The following RAB3B variants were observed in gnomAD, a reference collection of about 807,000 sequenced individuals.
RAB3B encodes RAB3B, member RAS oncogene family.
RAB3B carries 11 observed loss-of-function variants against 20.5 expected under a neutral mutation model. The ratio of observed to expected loss-of-function variants is 0.54; its 90% CI spans 0.34 to 0.89. The LOEUF (loss-of-function observed/expected upper bound fraction) is 0.89, where lower values mean the gene tolerates loss of function less well. RAB3B is among the 40% of genes least tolerant of loss of function. RAB3B has a pLI of 0.02. For missense variants in RAB3B, 225 were observed against 280.9 expected (o/e 0.80, Z 1.42); for synonymous variants, 99 against 106.3 (o/e 0.93, Z 0.42).
At chr1:51,935,717 T>C (rs931837537) in intron 3 of RAB3B, among the ~76,000 whole-genome samples, 3 of 149,912 alleles carry the variant, frequency 2.0e-5, no homozygotes, top group African/African-American at 4.9e-5. Context: ...TCAGGGGAGA[T>C]GTGATGAGAG....
At chr1:51,988,502 G>A (rs1461743658) in intron 1 of RAB3B, among the ~76,000 whole-genome samples, 1 of 152,220 alleles carries the variant, frequency 6.6e-6, no homozygotes, top group Non-Finnish European at 1.5e-5. Flanking sequence ...AGCCATGGGT[G>A]TGTCCACTGA....
At chr1:51,971,903 A>G (rs995563696) in intron 2 of RAB3B, among the ~76,000 whole-genome samples, 1 of 152,316 alleles carries the variant, frequency 6.6e-6, no homozygotes, top group Admixed American at 6.5e-5. Context: ...AATTTAGGCC[A>G]GGCACGGTGG....
At chr1:51,988,666 T>C (rs369160701) in intron 1 of RAB3B, among the ~76,000 whole-genome samples, 26 of 152,302 alleles carry the variant, frequency 1.7e-4, no homozygotes, top group African/African-American at 5.5e-4. Context: ...GCACCAATTA[T>C]TCATTCAATC....
rs143056863 is a variant in RAB3B, at chr1:51,986,371, C to T, written c.-1+4181G>A. Among the ~76,000 whole-genome samples, 1,549 of 151,944 alleles carry T rather than the reference C, an allele frequency of 0.01. 76 individuals are homozygous for T. In the East Asian group the frequency reaches 0.13, roughly 13 times the overall value. ...TTCACCGTGTTAGCCAGGATGGTCT[C>T]GGTCTCCTGACCTTGTGATCCGCCT... On this transcript the variant is annotated intron_variant, in intron 1 of 4. Transcript: ENST00000371655.
intron 2 of RAB3B, among the ~76,000 whole-genome samples, chr1:51,942,751 G>A (rs1421684423): frequency 6.6e-6 from 1 of 152,060 alleles, no homozygotes; most frequent in Non-Finnish European, 1.5e-5. Context: ...TTTACAGATT[G>A]AATGTTTGTG....
At chr1:51,922,254 T>C (rs1462434983) in intron 4 of RAB3B, among the ~76,000 whole-genome samples, 1 of 152,168 alleles carries the variant, frequency 6.6e-6, no homozygotes, top group Non-Finnish European at 1.5e-5. Flanking sequence ...GTATTGTTTA[T>C]TTGGGAAAGA....
At chr1:51,923,009 ATT>A (rs1684192858) in intron 4 of RAB3B, among the ~76,000 whole-genome samples, 1 of 152,126 alleles carries the variant, frequency 6.6e-6, no homozygotes, top group Non-Finnish European at 1.5e-5. Context: ...CCAAGTCTTT[ATT>A]GAGCATTGAC....
chr1:51,929,017 A>C (rs1350563494), intron 4 of RAB3B, among the ~76,000 whole-genome samples: 1 of 152,198 alleles, frequency 6.6e-6, no homozygotes, highest in African/African-American at 2.4e-5. Context: ...CCTTTAGGAA[A>C]CCACCATTTT....
In RAB3B at chr1:51,918,227, G is replaced by A. The variant is rs1684115903; in HGVS notation, c.*1700C>T. ...CCCAGGAGAAAGGGGTTGGGATCGG[G>A]ATCTCTGAGTTCAATTTTCTCAATT... On this transcript the variant is annotated 3_prime_UTR_variant, in exon 5 of 5. Transcript: ENST00000371655. The A allele has an allele frequency of 6.6e-6, 1 of 152,274 alleles. No individual in the cohort carries two copies. Among genetic ancestry groups the A allele is most frequent in the Admixed American group, 6.5e-5 (1 of 15,290 alleles). 9.4% of individuals were successfully genotyped at this position (152,274 alleles called of 1,614,324 possible).
intron 1 of RAB3B, among the ~76,000 whole-genome samples, chr1:51,982,927 T>C (rs1056741225): frequency 1.6e-4 from 25 of 152,208 alleles, no homozygotes; most frequent in Non-Finnish European, 2.9e-4. Context: ...AAGTCTCCTA[T>C]AGTGTATGGT....
intron 3 of RAB3B, 93 bp from the exon 4 acceptor site, chr1:51,933,535 C>T: frequency 8.0e-7 from 1 of 1,249,204 alleles, no homozygotes. Context: ...AAGCCTAATC[C>T]CCAATGTAAT....
chr1:51,947,062 A>G (rs557187296), intron 2 of RAB3B, among the ~76,000 whole-genome samples: 1 of 152,314 alleles, frequency 6.6e-6, no homozygotes, highest in South Asian at 2.1e-4. Flanking sequence ...ATGGAAGTTA[A>G]GTAAATTGCT....
chr1:51,989,208 T>G (rs893139627), intron 1 of RAB3B, among the ~76,000 whole-genome samples: 1 of 99,870 alleles, frequency 1.0e-5, no homozygotes, highest in African/African-American at 4.3e-5. Context: ...CCATCTTGTT[T>G]TGTGTGTGTG....
At chr1:51,990,502 G>T (rs970094256) in intron 1 of RAB3B, 50 bp downstream of exon 1, 6 of 151,248 alleles carry the variant, frequency 4.0e-5, no homozygotes, top group Non-Finnish European at 8.9e-5. Flanking sequence ...CCGCGCCGGG[G>T]ATCGGTCCCT....
chr1:51,945,849 C>A (rs745762440), intron 2 of RAB3B, among the ~76,000 whole-genome samples: 20 of 152,206 alleles, frequency 1.3e-4, no homozygotes, highest in South Asian at 4.1e-4. Context: ...GTTGAGCAGG[C>A]CTTGGCCTAA....
intron 2 of RAB3B, among the ~76,000 whole-genome samples, chr1:51,967,055 G>A (rs1333278666): frequency 4.6e-5 from 7 of 152,210 alleles, no homozygotes; most frequent in East Asian, 1.9e-4. Context: ...GCTCACGCCC[G>A]TAATCCCAGC....
In RAB3B at chr1:51,912,831, A is replaced by G. The variant is rs368720425; in HGVS notation, c.*7096T>C. On this transcript the variant is annotated 3_prime_UTR_variant, in exon 5 of 5. Transcript: ENST00000371655. ...GGAGGCTGAGAAAAAGAGAAAAATC[A>G]AAGAATTAAGGATGAGTTTTCTGTG... The G allele has an allele frequency of 1.3e-4, 20 of 152,130 alleles. No homozygotes were observed. The highest frequency in any genetic ancestry group is 4.3e-4 in the African/African-American group (18 of 41,498). The allele number at this position is 152,130 out of a possible 1,614,324, so 9.4% of individuals were successfully genotyped here. A position where few individuals can be genotyped will look rare whatever the true frequency, so the allele number is the denominator to read the frequency against.
At chr1:51,959,431 G>A (rs1048432209) in intron 2 of RAB3B, among the ~76,000 whole-genome samples, 1 of 152,166 alleles carries the variant, frequency 6.6e-6, no homozygotes, top group Non-Finnish European at 1.5e-5. Context: ...AGGACGGCTT[G>A]AGCCCAGGAG....
rs2124208279 is a variant in RAB3B, at chr1:51,908,427, TG to T, written c.*11499del. ...AGTTGAATAAATTAGAAAGAGCAGT[TG>T]GGGGAATTGAATATGATATGCAAAT... On this transcript the variant is annotated 3_prime_UTR_variant, in exon 5 of 5. Transcript: ENST00000371655. 6.6e-6 allele frequency: 1 copy of T among 152,116 alleles called. No individual in the cohort carries two copies. Among genetic ancestry groups the T allele is most frequent in the Non-Finnish European group, 1.5e-5 (1 of 68,006 alleles). The allele number at this position is 152,116 out of a possible 1,614,324, so 9.4% of individuals were successfully genotyped here.
Sources: gnomAD v4.1 joint callset for allele counts (sites outside exome capture counted in the v4.1 genomes callset) on GRCh38, gnomAD v4.1.1 for gene constraint, MANE v1.5 for transcripts, NCBI Gene and HGNC (gene_info 2026-07-23, HGNC 2026-07-21) for gene names.